Variants in ZNF92 observed in about 807,000 individuals in gnomAD.
The protein encoded by ZNF92 is epididymis luminal protein 203.
A neutral mutation model predicts 12.4 loss-of-function variants in ZNF92; 11 were observed. The observed-to-expected ratio is 0.89, with a 90% CI of 0.56 to 1.47. The LOEUF is 1.47. Among genes scored for constraint, ZNF92 ranks in the 40% most tolerant of loss-of-function variants. The probability of loss-of-function intolerance (pLI) is 0.00; values close to 1 mark genes in which losing one functional copy is unlikely to be tolerated. For missense variants in ZNF92, 622 were observed against 681.0 expected (o/e 0.91, Z 0.96); for synonymous variants, 206 against 228.6 (o/e 0.90, Z 0.89).
intron 3 of ZNF92, among the ~76,000 whole-genome samples, chr7:65,395,656 G>C (rs1793829106): frequency 1.3e-5 from 2 of 152,064 alleles, no homozygotes; most frequent in South Asian, 4.1e-4. Context: ...TCAAGTGAGA[G>C]CTAGTTTATT....
At chr7:65,390,478 G>GGA (rs1389370092) in intron 3 of ZNF92, among the ~76,000 whole-genome samples, 1 of 151,608 alleles carries the variant, frequency 6.6e-6, no homozygotes, top group East Asian at 1.9e-4. Context: ...GGTTTGTAGT[G>GGA]GAGAGGGGTG....
At chr7:65,391,855 A>G (rs987243461) in intron 3 of ZNF92, among the ~76,000 whole-genome samples, 1 of 152,126 alleles carries the variant, frequency 6.6e-6, no homozygotes, top group African/African-American at 2.4e-5. Flanking sequence ...AGTGATTCAA[A>G]TACTTGCCTT....
At position 65,398,844 on chromosome 7, in the gene ZNF92, C is replaced by G. The variant is rs1384685229; in HGVS notation, c.730C>G (p.Leu244Val). ...CGKAFNRSSN[L>V]TKHKIIHTGE... ...CAAAGCTTTTAACCGGTCCTCAAATCTTACTAAACATAAAATAATTCATAC... is the reference window on the plus strand; with the variant it reads ...CAAAGCTTTTAACCGGTCCTCAAATGTTACTAAACATAAAATAATTCATAC... The change falls in exon 4 of 4, where the codon CTT becomes GTT. Residue 244 changes from leucine (L) to valine (V), a missense_variant. Transcript: ENST00000328747. 1 of 1,612,730 alleles carries G rather than the reference C, an allele frequency of 6.2e-7. No homozygotes were observed. Among genetic ancestry groups the G allele is most frequent in the African/African-American group, 1.3e-5 (1 of 74,932 alleles).
At chr7:65,378,516 G>T (rs796081057) in intron 1 of ZNF92, among the ~76,000 whole-genome samples, 3 of 152,140 alleles carry the variant, frequency 2.0e-5, no homozygotes, top group African/African-American at 7.2e-5. Context: ...GCCGAGGTGG[G>T]CGGATCACGA....
At position 65,378,628 on chromosome 7, in the gene ZNF92, G is replaced by C. The variant is rs1030451064; in HGVS notation, c.3+4628G>C. ...GTGGTGGCGGGCGCCTGTAGTCCCA[G>C]CTATTCGGGAGGCTGAGGCAGGAGA... is the stretch of plus-strand genomic sequence containing the variant. On this transcript the variant is annotated intron_variant, in intron 1 of 3. Transcript: ENST00000328747. 6.6e-5 allele frequency among the ~76,000 whole-genome samples: 10 copies of C among 152,010 alleles called. No individual in the cohort carries two copies. In the East Asian group the frequency reaches 2.0e-3, roughly 30 times the overall value.
chr7:65,373,911 T>G lies in ZNF92; in HGVS notation c.-87T>G, dbSNP rs1793157792. 1.9e-6 allele frequency: 3 copies of G among 1,582,566 alleles called. No homozygotes were observed. The African/African-American group carries it at 4.0e-5, about 21-fold the overall frequency. Reference sequence around the variant, plus strand: ...GTCTTCACTGCTCTGCGTCCTGTGCTGATAAAGGCTCGCCGCTGTGACCCT... The same window carrying G: ...GTCTTCACTGCTCTGCGTCCTGTGCGGATAAAGGCTCGCCGCTGTGACCCT... On this transcript the variant is annotated 5_prime_UTR_variant, in exon 1 of 4. Coordinates refer to ENST00000328747, the MANE Select transcript of ZNF92 (RefSeq NM_152626.4).
intron 1 of ZNF92, among the ~76,000 whole-genome samples, chr7:65,382,268 T>C (rs1364159434): frequency 6.6e-6 from 1 of 152,024 alleles, no homozygotes; most frequent in Non-Finnish European, 1.5e-5. Flanking sequence ...TCTGGTGTAA[T>C]TGTGTAATAA....
chr7:65,394,104 C>A (rs1286073442), intron 3 of ZNF92, among the ~76,000 whole-genome samples: 2 of 151,962 alleles, frequency 1.3e-5, no homozygotes, highest in African/African-American at 4.8e-5. Context: ...TTTTTCTGTT[C>A]TTTTCTTTGT....
Position 65,398,395 on chromosome 7 carries a change from C to A in ZNF92, c.281C>A (p.Ser94Tyr), listed in dbSNP as rs1216514368. 13 of 1,604,286 alleles carry A rather than the reference C, an allele frequency of 8.1e-6. No homozygotes were observed. Among genetic ancestry groups the A allele is most frequent in the East Asian group, 2.2e-5 (1 of 44,762 alleles). Residue 94 changes from serine (S) to tyrosine (Y), a missense_variant, in exon 4 of 4, where the codon TCT (serine) becomes TAT (tyrosine). Physicochemically the swap from Ser to Tyr is moderately radical, Grantham distance 144. Transcript: ENST00000328747. ...DVWPEHSIKD[S>Y]FQKVILRTYG... ...TGGCCAGAGCACAGCATAAAAGATTCTTTCCAAAAAGTGATACTGAGAACA... is the reference window on the plus strand; with the variant it reads ...TGGCCAGAGCACAGCATAAAAGATTATTTCCAAAAAGTGATACTGAGAACA...
In ZNF92 at chr7:65,398,787, G is replaced by A; in HGVS notation, c.673G>A (p.Gly225Arg). 1 of 1,612,302 alleles carries A rather than the reference G, an allele frequency of 6.2e-7. No individual in the cohort carries two copies. The highest frequency in any genetic ancestry group is 8.5e-7 in the Non-Finnish European group (1 of 1,179,528). Residue 225 changes from glycine (G) to arginine (R), a missense_variant, in exon 4 of 4, where the codon GGA (glycine) becomes AGA (arginine). Transcript: ENST00000328747. Reference protein sequence around the residue: ...TLTKHKIIHTGEKPYKCEECG... With the variant: ...TLTKHKIIHTREKPYKCEECG... Reference sequence around the variant, plus strand: ...TACTAAACATAAGATAATTCATACTGGAGAAAAACCCTACAAATGTGAAGA... The same window carrying A: ...TACTAAACATAAGATAATTCATACTAGAGAAAAACCCTACAAATGTGAAGA...
intron 3 of ZNF92, among the ~76,000 whole-genome samples, chr7:65,394,716 C>T (rs1393113998): frequency 1.3e-5 from 2 of 151,966 alleles, no homozygotes; most frequent in Admixed American, 6.6e-5. Context: ...ATGGCTGGTG[C>T]GATCTGGGCT....
chr7:65,383,553 C>A (rs561912778), intron 1 of ZNF92, among the ~76,000 whole-genome samples: 1 of 152,230 alleles, frequency 6.6e-6, no homozygotes, highest in East Asian at 1.9e-4. Context: ...TGACCTGTTA[C>A]TGTTACGTGA....
chr7:65,395,202 G>T (rs1793815644), intron 3 of ZNF92, among the ~76,000 whole-genome samples: 1 of 151,942 alleles, frequency 6.6e-6, no homozygotes, highest in East Asian at 1.9e-4. Flanking sequence ...CTACAGACAT[G>T]CACTACCATG....
intron 1 of ZNF92, among the ~76,000 whole-genome samples, chr7:65,377,040 C>T (rs372198258): frequency 2.6e-5 from 4 of 152,022 alleles, no homozygotes; most frequent in African/African-American, 7.3e-5. Context: ...CATATGACTA[C>T]GTGATTTTTA....
intron 1 of ZNF92, among the ~76,000 whole-genome samples, chr7:65,386,630 G>T (rs1201761861): frequency 1.3e-5 from 2 of 152,054 alleles, no homozygotes; most frequent in African/African-American, 2.4e-5. Context: ...GATATATGTT[G>T]TCTAGGGTGC....
At chr7:65,377,891 A>G (rs537376876) in intron 1 of ZNF92, among the ~76,000 whole-genome samples, 2 of 152,298 alleles carry the variant, frequency 1.3e-5, no homozygotes, top group South Asian at 4.1e-4. Context: ...AAATAAAACA[A>G]AGTTAGAATT....
chr7:65,400,655 A>T lies in ZNF92; in HGVS notation c.*780A>T, dbSNP rs1248944142. 1 of 152,014 alleles carries T rather than the reference A, an allele frequency of 6.6e-6. No individual in the cohort carries two copies. The highest frequency in any genetic ancestry group is 1.5e-5 in the Non-Finnish European group (1 of 67,900). 9.4% of individuals were successfully genotyped at this position (152,014 alleles called of 1,614,324 possible). ...GTTATTTATATATAACTTTAAAAGAAGTAGAAGATTTTTTGGAGATTTATA... is the reference window on the plus strand; with the variant it reads ...GTTATTTATATATAACTTTAAAAGATGTAGAAGATTTTTTGGAGATTTATA... On this transcript the variant is annotated 3_prime_UTR_variant, in exon 4 of 4. Transcript: ENST00000328747.
At chr7:65,374,080 G>C (rs1793166726) in intron 1 of ZNF92, 80 bp downstream of exon 1, 3 of 1,592,160 alleles carry the variant, frequency 1.9e-6, no homozygotes, top group Non-Finnish European at 2.6e-6. Context: ...GGCGGGCCTC[G>C]GGCCTTCCCG....
chr7:65,386,582 A>G lies in ZNF92; in HGVS notation c.4-1320A>G, dbSNP rs185850172. On this transcript the variant is annotated intron_variant, in intron 1 of 3. Coordinates refer to ENST00000328747, the MANE Select transcript of ZNF92 (RefSeq NM_152626.4). ...AAAATGCTTTTTGAAACAGGATGGC[A>G]TTTACTACCCAGAAAGTTCTGAAGA... Among the ~76,000 whole-genome samples, 416 of 152,218 alleles carry G rather than the reference A, an allele frequency of 2.7e-3. 4 individuals carry two copies. The highest frequency in any genetic ancestry group is 8.2e-3 in the African/African-American group (339 of 41,544).
Sources: gnomAD v4.1 joint callset for allele counts (sites outside exome capture counted in the v4.1 genomes callset) on GRCh38, gnomAD v4.1.1 for gene constraint, MANE v1.5 for transcripts, NCBI Gene and HGNC (gene_info 2026-07-23, HGNC 2026-07-21) for gene names.